AK4: variants seen among roughly 807,000 people sequenced by gnomAD.
AK4 encodes the protein adenylate kinase 4.
Under a neutral mutation model 24.6 loss-of-function variants are expected in AK4, and 13 were observed. The observed-to-expected ratio is 0.53, with a 90% CI of 0.34 to 0.84. The LOEUF (loss-of-function observed/expected upper bound fraction) is 0.84. AK4 is among the 40% of genes least tolerant of loss of function. The probability of loss-of-function intolerance (pLI) is 0.01; values close to 1 mark genes in which losing one functional copy is unlikely to be tolerated. For synonymous variants in AK4, 88 were observed against 107.0 expected, an observed-to-expected ratio of 0.82 and a Z score of 1.10; for missense variants, 192 against 288.2, an observed-to-expected ratio of 0.67 and a Z score of 2.42.
At chr1:65,162,742 C>T (rs1030254709) in intron 1 of AK4, among the ~76,000 whole-genome samples, 2 of 152,052 alleles carry the variant, frequency 1.3e-5, no homozygotes, top group African/African-American at 4.8e-5. Flanking sequence ...ACGATCACCA[C>T]TATCTAATTT....
chr1:65,190,865 A>T (rs778347805), intron 2 of AK4, 36 bp downstream of exon 2: 2 of 1,610,724 alleles, frequency 1.2e-6, no homozygotes, highest in Admixed American at 3.4e-5. Flanking sequence ...AATTTCTGGG[A>T]ATAGTCAGTT....
In AK4 at chr1:65,232,135, T is replaced by C. The variant is rs1318348771; in HGVS notation, c.*5958T>C. On this transcript the variant is annotated 3_prime_UTR_variant, in exon 5 of 5. Transcript: ENST00000327299. ...TAGAAATAAAGTTTTTTTCTGCTTA[T>C]AGCTAGCGAATTCATTTGTTTGTAT... is the stretch of plus-strand genomic sequence containing the variant. 6.6e-6 allele frequency: 1 copy of C among 152,260 alleles called. No homozygotes were observed. The highest frequency in any genetic ancestry group is 1.9e-4 in the East Asian group (1 of 5,202). 9.4% of individuals were successfully genotyped at this position (152,260 alleles called of 1,614,324 possible).
intron 1 of AK4, among the ~76,000 whole-genome samples, chr1:65,153,944 G>C (rs1320289944): frequency 1.3e-5 from 2 of 152,186 alleles, no homozygotes; most frequent in Non-Finnish European, 2.9e-5. Context: ...AAGTAGGTCA[G>C]GTCAGAGAGA....
chr1:65,164,535 A>G (rs1173871657), intron 1 of AK4, among the ~76,000 whole-genome samples: 3 of 152,126 alleles, frequency 2.0e-5, no homozygotes, highest in African/African-American at 4.8e-5. Context: ...ACTTCTTTTC[A>G]TATGCTTACT....
intron 1 of AK4, among the ~76,000 whole-genome samples, chr1:65,187,236 A>G (rs1024239003): frequency 6.6e-6 from 1 of 151,626 alleles, no homozygotes; most frequent in African/African-American, 2.4e-5. Context: ...AGTCCCAGCT[A>G]CTCGGAGAGG....
At chr1:65,221,406 T>C (rs1185816652) in intron 3 of AK4, among the ~76,000 whole-genome samples, 1 of 152,170 alleles carries the variant, frequency 6.6e-6, no homozygotes, top group Non-Finnish European at 1.5e-5. Flanking sequence ...AGTGAGACTT[T>C]TTCACTAAGC....
intron 1 of AK4, 81 bp downstream of exon 1, chr1:65,148,633 T>C: frequency 7.0e-7 from 1 of 1,430,976 alleles, no homozygotes; most frequent in Non-Finnish European, 9.2e-7. Context: ...GGCTCCCGGA[T>C]CACGGCGCCC....
At chr1:65,221,580 A>T (rs1048843655) in intron 3 of AK4, among the ~76,000 whole-genome samples, 4 of 152,198 alleles carry the variant, frequency 2.6e-5, no homozygotes, top group African/African-American at 9.7e-5. Flanking sequence ...AAATTTTCTA[A>T]TTCTTGTATT....
chr1:65,226,765 A>G lies in AK4; in HGVS notation c.*588A>G, dbSNP rs1293598212. Reference sequence around the variant, plus strand: ...CCTTTTCTACATCCACGCTCCATAGAGTCTCTCCTTTTCAGACATCCTGGG... The same window carrying G: ...CCTTTTCTACATCCACGCTCCATAGGGTCTCTCCTTTTCAGACATCCTGGG... On this transcript the variant is annotated 3_prime_UTR_variant, in exon 5 of 5. Coordinates refer to ENST00000327299, the MANE Select transcript of AK4 (RefSeq NM_013410.4). The G allele has an allele frequency of 1.3e-5, 2 of 149,620 alleles. No individual in the cohort carries two copies. Among genetic ancestry groups the G allele is most frequent in the Admixed American group, 1.3e-4 (2 of 15,024 alleles). 9.3% of individuals were successfully genotyped at this position (149,620 alleles called of 1,614,324 possible).
At chr1:65,196,869 T>C (rs1271528904) in intron 2 of AK4, among the ~76,000 whole-genome samples, 1 of 152,202 alleles carries the variant, frequency 6.6e-6, no homozygotes, top group Non-Finnish European at 1.5e-5. Context: ...AAGGGTTTAA[T>C]GGACTTACAG....
chr1:65,229,708 T>C lies in AK4; in HGVS notation c.*3531T>C, dbSNP rs1652577144. On this transcript the variant is annotated 3_prime_UTR_variant, in exon 5 of 5. Transcript: ENST00000327299. ...AAGTAGGCTGGGCTTGGGCCCAGGC[T>C]AATCTATGAAGGAAGCAAGCTCGTG... 6.6e-6 allele frequency: 1 copy of C among 152,258 alleles called. No homozygotes were observed. The highest frequency in any genetic ancestry group is 1.5e-5 in the Non-Finnish European group (1 of 68,042). The allele number at this position is 152,258 out of a possible 1,614,324, so 9.4% of individuals were successfully genotyped here. A position where few individuals can be genotyped will look rare whatever the true frequency, so the allele number is the denominator to read the frequency against.
At chr1:65,220,035 G>A (rs1174698057) in intron 3 of AK4, among the ~76,000 whole-genome samples, 1 of 152,192 alleles carries the variant, frequency 6.6e-6, no homozygotes, top group East Asian at 1.9e-4. Context: ...TTCACTTAGT[G>A]ATATGCACTA....
intron 3 of AK4, among the ~76,000 whole-genome samples, chr1:65,223,225 C>T (rs1001461473): frequency 3.3e-5 from 5 of 151,702 alleles, no homozygotes; most frequent in African/African-American, 1.2e-4. Context: ...GACAGTGTCT[C>T]GCTCTGTCAC....
At chr1:65,161,376 C>CTT (rs757035939) in intron 1 of AK4, among the ~76,000 whole-genome samples, 28 of 152,306 alleles carry the variant, frequency 1.8e-4, no homozygotes, top group Non-Finnish European at 3.2e-4. Flanking sequence ...GGTTTGAGCT[C>CTT]TGAGTTCTAC....
Position 65,149,179 on chromosome 1 carries a change from G to T in AK4, c.145+627G>T, listed in dbSNP as rs569860689. 12 of 152,854 alleles carry T rather than the reference G, an allele frequency of 7.9e-5. No individual in the cohort carries two copies. The East Asian group carries it at 1.2e-3, about 15-fold the overall frequency. 9.5% of individuals were successfully genotyped at this position (152,854 alleles called of 1,614,324 possible). On this transcript the variant is annotated intron_variant, in intron 1 of 4. Transcript: ENST00000327299. ...AGCAACTCCCCCCCCTCCCGAAGCC[G>T]CCGGGCCTGGCCGTCAGGAGACTCG...
intron 1 of AK4, among the ~76,000 whole-genome samples, chr1:65,172,855 A>ATTTTTTTTTTTT (rs11408059): frequency 9.0e-6 from 1 of 110,912 alleles, no homozygotes; most frequent in East Asian, 2.8e-4. Context: ...CCAGCAAGAG[A>ATTTTTTTTTTTT]TTTTTTTTTT....
intron 1 of AK4, among the ~76,000 whole-genome samples, chr1:65,182,537 TAA>T (rs961359415): frequency 6.9e-6 from 1 of 144,924 alleles, no homozygotes; most frequent in Non-Finnish European, 1.5e-5. Context: ...GACATTCAGA[TAA>T]AAAAAAAAAG....
chr1:65,149,039 T>C (rs1649674023), intron 1 of AK4: 1 of 152,284 alleles, frequency 6.6e-6, no homozygotes, highest in Admixed American at 6.5e-5. Flanking sequence ...GCCGGGGGGC[T>C]CGCAGCCTCG....
chr1:65,210,914 C>T (rs936285454), intron 2 of AK4, among the ~76,000 whole-genome samples: 18 of 152,314 alleles, frequency 1.2e-4, no homozygotes, highest in African/African-American at 4.3e-4. Context: ...ACCAGGGTCA[C>T]AAGTAAGTGG....
Sources: allele counts gnomAD v4.1 joint callset (sites outside exome capture counted in the v4.1 genomes callset), GRCh38; gene constraint gnomAD v4.1.1; transcripts MANE v1.5; gene names NCBI Gene and HGNC (gene_info 2026-07-23, HGNC 2026-07-21).